The following CBR4 variants were observed in gnomAD, a reference collection of about 807,000 sequenced individuals.
CBR4 encodes the protein carbonyl reductase 4, also known as 3-oxoacyl-[acyl-carrier-protein] reductase.
CBR4 carries 22 observed loss-of-function variants against 21.0 expected under a neutral mutation model. The observed-to-expected ratio is 1.05, with a 90% CI of 0.75 to 1.50. CBR4 has a LOEUF of 1.50. CBR4 is among the 40% of genes most tolerant of loss of function. The pLI is 0.00. For synonymous variants in CBR4, 100 were observed against 104.4 expected (o/e 0.96, Z 0.26); for missense variants, 302 against 286.3 (o/e 1.05, Z -0.40).
chr4:168,993,928 C>A (rs921396052), intron 4 of CBR4, among the ~76,000 whole-genome samples: 1 of 152,126 alleles, frequency 6.6e-6, no homozygotes, highest in African/African-American at 2.4e-5. Context: ...AGATTCTGTT[C>A]CCTGCTCTGC....
chr4:169,006,942 A>C, intron 2 of CBR4, 51 bp from the exon 3 acceptor site: 1 of 1,474,898 alleles, frequency 6.8e-7, no homozygotes, highest in Non-Finnish European at 9.4e-7. Flanking sequence ...ATAAAAACCA[A>C]AAAGGTCAAG....
At chr4:168,906,705 G>A (rs1233013924) in intron 2 of CBR4, among the ~76,000 whole-genome samples, 2 of 152,162 alleles carry the variant, frequency 1.3e-5, no homozygotes, top group African/African-American at 2.4e-5. Context: ...GCTCACTGCA[G>A]CTTAGAACTC....
At chr4:168,910,198 G>T (rs1758625899) in intron 2 of CBR4, among the ~76,000 whole-genome samples, 1 of 149,992 alleles carries the variant, frequency 6.7e-6, no homozygotes, top group Non-Finnish European at 1.5e-5. Context: ...GACCTTTCCA[G>T]AGTAGTATGC....
intron 2 of CBR4, among the ~76,000 whole-genome samples, chr4:168,951,899 T>C (rs921496557): frequency 1.1e-4 from 17 of 152,210 alleles, no homozygotes; most frequent in Middle Eastern, 3.2e-3. Flanking sequence ...GCCTAGGTGA[T>C]GATATTTTTG....
chr4:168,905,120 T>A (rs1757363447), intron 2 of CBR4, among the ~76,000 whole-genome samples: 1 of 150,024 alleles, frequency 6.7e-6, no homozygotes, highest in African/African-American at 2.4e-5. Flanking sequence ...GAGTGAGACT[T>A]TGTTTTTTGT....
chr4:168,963,109 A>T (rs1287854863), intron 2 of CBR4, among the ~76,000 whole-genome samples: 2 of 152,192 alleles, frequency 1.3e-5, no homozygotes, highest in Non-Finnish European at 2.9e-5. Flanking sequence ...TTCAAAATCC[A>T]TGTTCATTCC....
intron 3 of CBR4, among the ~76,000 whole-genome samples, chr4:169,004,000 AC>A (rs1305084830): frequency 2.8e-4 from 43 of 152,254 alleles, no homozygotes; most frequent in Non-Finnish European, 3.7e-4. Context: ...ACGCTAGATG[AC>A]GAGTTAGTGG....
rs563634149 is a variant in CBR4 at position 169,009,799 on chromosome 4, C to G, written c.142+149G>C. On this transcript the variant is annotated intron_variant, in intron 1 of 4. Transcript: ENST00000306193. ...CGCGGGTTTCTGCACGAGACGCATT[C>G]TACCCTTGGAACGGGAGAGCGCCTG... The G allele has an allele frequency of 2.4e-5, 17 of 720,492 alleles. No homozygotes were observed. The South Asian group carries it at 2.8e-4, about 12-fold the overall frequency. The allele number at this position is 720,492 out of a possible 1,614,324, so 44.6% of individuals were successfully genotyped here.
At chr4:168,906,412 T>A (rs1757809568) in intron 2 of CBR4, among the ~76,000 whole-genome samples, 1 of 152,214 alleles carries the variant, frequency 6.6e-6, no homozygotes, top group African/African-American at 2.4e-5. Flanking sequence ...TCATGGCCAA[T>A]GGCAGTGTGC....
At chr4:168,966,535 A>G (rs1450408717) in intron 2 of CBR4, among the ~76,000 whole-genome samples, 1 of 151,958 alleles carries the variant, frequency 6.6e-6, no homozygotes, top group East Asian at 1.9e-4. Context: ...TCAAAGAAAA[A>G]AAAAAAGAAA....
Position 169,002,040 on chromosome 4 carries a change from A to G in CBR4, c.535+31T>C, listed in dbSNP as rs1469591132. On this transcript the variant is annotated intron_variant, in intron 4 of 4. Coordinates refer to ENST00000306193, the MANE Select transcript of CBR4 (RefSeq NM_032783.5). ...GCTTCCCTATAAAACAATAATCATA[A>G]TCAAGTTATTTTAATAAAGTTTTCA... 1.5e-5 allele frequency: 22 copies of G among 1,515,614 alleles called. 2 individuals carry two copies. In the Admixed American group the frequency reaches 4.5e-4, roughly 31 times the overall value. 93.9% of individuals were successfully genotyped at this position (1,515,614 alleles called of 1,614,324 possible).
chr4:169,003,560 G>A (rs902219013), intron 3 of CBR4, among the ~76,000 whole-genome samples: 2 of 152,206 alleles, frequency 1.3e-5, no homozygotes, highest in African/African-American at 2.4e-5. Flanking sequence ...GGGATTGAGA[G>A]GAGTGGCTCC....
intron 2 of CBR4, among the ~76,000 whole-genome samples, chr4:168,930,884 C>T (rs541842159): frequency 7.3e-4 from 111 of 152,324 alleles, no homozygotes; most frequent in Non-Finnish European, 1.4e-3. Flanking sequence ...TTTAGAGAGC[C>T]ACTGTCGATT....
At chr4:168,965,565 G>T (rs896937042) in intron 2 of CBR4, among the ~76,000 whole-genome samples, 5 of 152,092 alleles carry the variant, frequency 3.3e-5, no homozygotes, top group Admixed American at 2.6e-4. Context: ...ATAGACCAAT[G>T]GAACAGAACA....
chr4:168,947,888 TACTC>T (rs1763436667), intron 2 of CBR4, among the ~76,000 whole-genome samples: 1 of 152,230 alleles, frequency 6.6e-6, no homozygotes, highest in African/African-American at 2.4e-5. Flanking sequence ...TCTGGGTAGA[TACTC>T]AGTAGTGGGA....
At chr4:169,005,576 AAAG>A (rs748050373) in intron 3 of CBR4, among the ~76,000 whole-genome samples, 16 of 152,226 alleles carry the variant, frequency 1.1e-4, no homozygotes, top group African/African-American at 1.7e-4. Flanking sequence ...CACCTAAAAA[AAAG>A]AAGATTTTAG....
chr4:168,987,161 C>T (rs1334791008), downstream of CBR4, among the ~76,000 whole-genome samples: 2 of 152,132 alleles, frequency 1.3e-5, no homozygotes, highest in African/African-American at 4.8e-5. Context: ...TTAACAATTA[C>T]TCAAACTGAA....
chr4:168,913,778 T>A, intron 2 of CBR4: 1 of 652,226 alleles, frequency 1.5e-6, no homozygotes, highest in Non-Finnish European at 2.8e-6. Context: ...AGGGAAAGTG[T>A]TTTTCTGAAA....
chr4:168,934,056 A>C (rs1377059451), intron 2 of CBR4, among the ~76,000 whole-genome samples: 2 of 152,132 alleles, frequency 1.3e-5, no homozygotes, highest in African/African-American at 2.4e-5. Context: ...TATATCAAAA[A>C]AGTAAAAAGA....
Sources: allele counts gnomAD v4.1 joint callset (sites outside exome capture counted in the v4.1 genomes callset), GRCh38; gene constraint gnomAD v4.1.1; transcripts MANE v1.5; gene names NCBI Gene and HGNC (gene_info 2026-07-23, HGNC 2026-07-21).